PAPLN: variants seen among roughly 807,000 people sequenced by gnomAD.
PAPLN encodes papilin.
A neutral mutation model predicts 159.0 loss-of-function variants in PAPLN; 146 were observed. The ratio of observed to expected loss-of-function variants is 0.92; its 90% CI spans 0.80 to 1.05. The LOEUF is 1.05. PAPLN is among the 50% of genes least tolerant of loss of function. The pLI, the probability that PAPLN is intolerant of heterozygous loss-of-function variation, is 0.00. For missense variants in PAPLN, 1,720 were observed against 1,743.9 expected, an observed-to-expected ratio of 0.99 and a Z score of 0.24; for synonymous variants, 734 against 702.9, an observed-to-expected ratio of 1.04 and a Z score of -0.70.
At chr14:73,236,576 G>A (rs1883042151), upstream of PAPLN, among the ~76,000 whole-genome samples, 1 of 152,134 alleles carries the variant, frequency 6.6e-6, no homozygotes, top group Non-Finnish European at 1.5e-5. Flanking sequence ...CAGCACTTTG[G>A]GAGTCCGAGG....
chr14:73,256,754 G>T (rs952340017), intron 14 of PAPLN, among the ~76,000 whole-genome samples: 2 of 151,938 alleles, frequency 1.3e-5, no homozygotes, highest in East Asian at 3.9e-4. Flanking sequence ...GCAGTGGCCT[G>T]TGCCTGTAAT....
intron 18 of PAPLN, 44 bp downstream of exon 18, chr14:73,261,338 G>T (rs780936041): frequency 2.5e-6 from 4 of 1,596,466 alleles, no homozygotes; most frequent in Non-Finnish European, 3.4e-6. Context: ...GGTAGACTCT[G>T]CTCCCACCAT....
intron 5 of PAPLN, among the ~76,000 whole-genome samples, chr14:73,248,110 C>T (rs1387933126): frequency 2.9e-3 from 91 of 31,084 alleles, no homozygotes; most frequent in African/African-American, 0.013. Context: ...TGTGTGTGCG[C>T]GTGTGTGTGT....
intron 2 of PAPLN, 125 bp downstream of exon 2, chr14:73,239,957 C>A (rs771634267): frequency 1.4e-6 from 2 of 1,424,304 alleles, no homozygotes; most frequent in Non-Finnish European, 9.2e-7. Flanking sequence ...TGGGAGGAGG[C>A]GAGCCCGCAC....
Position 73,252,010 on chromosome 14 carries a change from C to G in PAPLN, c.844-8C>G, listed in dbSNP as rs781370128. ...CAGCAGACCCCAACAAGGACTCTCC[C>G]GTGACAGCTCATCAGCCAGGAGCCC... On this transcript the variant is annotated splice_region_variant and splice_polypyrimidine_tract_variant and intron_variant, in intron 9 of 26. Transcript: ENST00000644200. The G allele has an allele frequency of 5.1e-5, 82 of 1,602,824 alleles. No individual in the cohort carries two copies. In the South Asian group the frequency reaches 7.7e-4, roughly 15 times the overall value.
rs1347030798 is a variant in PAPLN, at chr14:73,264,539, C to T, written c.2987-49C>T. On this transcript the variant is annotated intron_variant, in intron 21 of 26. Transcript: ENST00000644200. ...GTCTCATGGCCCGCCCTTCCTTCCA[C>T]TCCCTTTTCCTCACAGCTCACACCT... 7 of 1,563,808 alleles carry T rather than the reference C, an allele frequency of 4.5e-6. No homozygotes were observed. The African/African-American group carries it at 6.9e-5, about 15-fold the overall frequency.
Position 73,263,646 on chromosome 14 carries a change from A to C in PAPLN, c.2725A>C (p.Ile909Leu), listed in dbSNP as rs1238063537. Residue 909 changes from isoleucine to leucine, a missense_variant and splice_region_variant, in exon 20 of 27, where the codon ATT (isoleucine) becomes CTT (leucine). Coordinates refer to ENST00000644200, the MANE Select transcript of PAPLN (RefSeq NM_001365906.3). ...AGATCTCACTTCCCACCTCTCCAGG[A>C]TTAGCTTGGCAGGTGTGGAGCCCTC... ...APPFHSSSYR[I>L]SLAGVEPSLV... 1 of 1,613,734 alleles carries C rather than the reference A, an allele frequency of 6.2e-7. No individual in the cohort carries two copies. Among genetic ancestry groups the C allele is most frequent in the African/African-American group, 1.3e-5 (1 of 75,046 alleles).
rs1887254626 is a variant in PAPLN, at chr14:73,266,792, G to A, written c.3461G>A (p.Cys1154Tyr). ...GAGGGTGATACGGCCAGGCTATTGTGTGTGGTAGCAGGAGAAAGTGTGAAC... is the reference window on the plus strand; with the variant it reads ...GAGGGTGATACGGCCAGGCTATTGTATGTGGTAGCAGGAGAAAGTGTGAAC... ...VPEGDTARLL[C>Y]VVAGESVNIR... The change falls in exon 25 of 27, where the codon TGT becomes TAT. Residue 1154 changes from cysteine (C) to tyrosine (Y), a missense_variant. Physicochemically the swap from Cys to Tyr is radical, Grantham distance 194. Coordinates refer to ENST00000644200, the MANE Select transcript of PAPLN (RefSeq NM_001365906.3). 1 of 1,613,732 alleles carries A rather than the reference G, an allele frequency of 6.2e-7. No homozygotes were observed. Among genetic ancestry groups the A allele is most frequent in the African/African-American group, 1.3e-5 (1 of 74,922 alleles).
At chr14:73,263,133 C>A (rs1886775992) in intron 19 of PAPLN, 1 of 369,180 alleles carries the variant, frequency 2.7e-6, no homozygotes, top group African/African-American at 2.1e-5. Context: ...GGCTTCGTGA[C>A]CTTTGGCAAG....
chr14:73,264,000 C>G, intron 20 of PAPLN: 1 of 1,496,636 alleles, frequency 6.7e-7, no homozygotes, highest in Non-Finnish European at 8.9e-7. Context: ...CCCCCGACCT[C>G]CTCTGACAGG....
chr14:73,259,501 G>T lies in PAPLN; in HGVS notation c.1941G>T (p.Gly647=). 1 of 1,601,168 alleles carries T rather than the reference G, an allele frequency of 6.2e-7. No homozygotes were observed. The highest frequency in any genetic ancestry group is 8.5e-7 in the Non-Finnish European group (1 of 1,173,762). ...CCGATGGCCACACGGCATCTCTCGG[G>T]CCTCAGTGGCAAGGCTGCCCTGGGG... The part of the protein sequence containing the change: ...CCPDGHTASL[G]PQWQGCPGAP... Residue 647 remains glycine, a synonymous_variant, in exon 16 of 27, where the codon GGG becomes GGT. Transcript: ENST00000644200.
chr14:73,259,603 G>C lies in PAPLN; in HGVS notation c.1985+58G>C, dbSNP rs1886332074. On this transcript the variant is annotated intron_variant, in intron 16 of 26. Coordinates refer to ENST00000644200, the MANE Select transcript of PAPLN (RefSeq NM_001365906.3). ...CGTCAAAGAGGGAAGGTGGGACCCC[G>C]TGGGTGGGCCAACATCTCTGATCAG... The C allele has an allele frequency of 7.7e-6, 11 of 1,431,788 alleles. No individual in the cohort carries two copies. In the South Asian group the frequency reaches 1.7e-4, roughly 22 times the overall value. The allele number at this position is 1,431,788 out of a possible 1,614,324, so 88.7% of individuals were successfully genotyped here.
rs1160622654 is a variant in PAPLN, at chr14:73,259,264, T to C, written c.1709-5T>C. 12 of 1,542,402 alleles carry C rather than the reference T, an allele frequency of 7.8e-6. No individual in the cohort carries two copies. The African/African-American group carries it at 1.7e-4, about 21-fold the overall frequency. On this transcript the variant is annotated splice_polypyrimidine_tract_variant and splice_region_variant and intron_variant, in intron 15 of 26. Transcript: ENST00000644200. ...CACTGTGTGTCTTTTGCTTCTTCTT[T>C]CTAGACTCCAGAGGCCAGTGGTGGG... is the stretch of plus-strand genomic sequence containing the variant.
chr14:73,247,477 C>T (rs374049567), intron 5 of PAPLN, among the ~76,000 whole-genome samples: 31 of 151,404 alleles, frequency 2.0e-4, no homozygotes, highest in African/African-American at 6.1e-4. Flanking sequence ...TGGTGGGGAT[C>T]GTGGCTGTGG....
At chr14:73,266,421 G>A in intron 23 of PAPLN, 80 bp from the exon 24 acceptor site, 2 of 1,538,014 alleles carry the variant, frequency 1.3e-6, no homozygotes, top group Non-Finnish European at 8.8e-7. Context: ...TTCCCTCCCT[G>A]ACCCCATGCT....
At chr14:73,271,677 T>C (rs750201831) in intron 26 of PAPLN, among the ~76,000 whole-genome samples, 15 of 152,070 alleles carry the variant, frequency 9.9e-5, no homozygotes, top group Non-Finnish European at 1.9e-4. Flanking sequence ...AATTTTTGCA[T>C]TTTTAGTAGA....
chr14:73,244,740 C>A lies in PAPLN; in HGVS notation c.151C>A (p.Arg51Ser). ...TGGAGGGGGTGTCAGCTTCCGGGAG[C>A]GCCCCTGCTACTCCCAGAGGTAGGA... ...TCGGGVSFRERPCYSQRRDGG... is the reference protein window; with the variant it reads ...TCGGGVSFRESPCYSQRRDGG... The change falls in exon 3 of 27, where the codon CGC (arginine) becomes AGC (serine). Residue 51 changes from arginine (R) to serine (S), a missense_variant. Coordinates refer to ENST00000644200, the MANE Select transcript of PAPLN (RefSeq NM_001365906.3). 2 of 1,573,754 alleles carry A rather than the reference C, an allele frequency of 1.3e-6. No homozygotes were observed. The highest frequency in any genetic ancestry group is 8.6e-7 in the Non-Finnish European group (1 of 1,159,726).
At position 73,251,581 on chromosome 14, in the gene PAPLN, T is replaced by G; in HGVS notation, c.670+15T>G. 1.2e-6 allele frequency: 2 copies of G among 1,612,968 alleles called. No homozygotes were observed. The highest frequency in any genetic ancestry group is 2.2e-5 in the South Asian group (2 of 91,070). On this transcript the variant is annotated intron_variant, in intron 8 of 26. Coordinates refer to ENST00000644200, the MANE Select transcript of PAPLN (RefSeq NM_001365906.3). The stretch of plus-strand genomic sequence containing the variant: ...GAACTTCCTGGGTGAGAGCCTAGGG[T>G]TAGGTCCTAGGCAGGTCTGGGGCTG...
intron 14 of PAPLN, among the ~76,000 whole-genome samples, chr14:73,256,511 A>G (rs747494736): frequency 6.8e-6 from 1 of 147,946 alleles, no homozygotes; most frequent in Non-Finnish European, 1.5e-5. Context: ...CAACCTGAGC[A>G]ACAAGAGTGA....
Sources: allele counts gnomAD v4.1 joint callset (sites outside exome capture counted in the v4.1 genomes callset), GRCh38; gene constraint gnomAD v4.1.1; transcripts MANE v1.5; gene names NCBI Gene and HGNC (gene_info 2026-07-23, HGNC 2026-07-21).